Variants in HECW2 observed in about 807,000 individuals in gnomAD.
The protein encoded by HECW2 is E3 ubiquitin-protein ligase HECW2.
In HECW2, 61 loss-of-function variants were observed where a neutral mutation model predicts 175.2. That is an observed-to-expected ratio of 0.35 (90% CI 0.28 to 0.43). The LOEUF (loss-of-function observed/expected upper bound fraction) is 0.43. Among genes scored for constraint, HECW2 ranks in the 20% least tolerant of loss-of-function variants. The probability of loss-of-function intolerance (pLI) is 1.00; values close to 1 mark genes in which losing one functional copy is unlikely to be tolerated. For synonymous variants in HECW2, 671 were observed against 731.0 expected, an observed-to-expected ratio of 0.92 and a Z score of 1.32; for missense variants, 1,524 against 2,000.5, an observed-to-expected ratio of 0.76 and a Z score of 4.54.
Position 196,320,439 on chromosome 2 carries a change from A to C in HECW2, c.885T>G (p.Gly295=). 1 of 1,604,596 alleles carries C rather than the reference A, an allele frequency of 6.2e-7. No homozygotes were observed. The highest frequency in any genetic ancestry group is 8.5e-7 in the Non-Finnish European group (1 of 1,171,948). ...CAAGGTTGTAGCTGAGCATTTGATC[A>C]CTGCAAGAAGAGAAATGCTTCTTTC... The part of the protein sequence containing the change: ...VQRLLERQAI[G]DQMLSYNLGR... Residue 295 remains glycine, a splice_region_variant and synonymous_variant, in exon 8 of 29, where the codon GGT becomes GGG. Coordinates refer to ENST00000644978, the MANE Select transcript of HECW2 (RefSeq NM_001348768.2).
chr2:196,593,350 C>G (rs1249424141), intron 1 of HECW2, among the ~76,000 whole-genome samples, 158 bp downstream of exon 1: 1 of 150,842 alleles, frequency 6.6e-6, no homozygotes, highest in Admixed American at 6.6e-5. Flanking sequence ...GGCCCCGCAG[C>G]GCCCGGCTCC....
At chr2:196,340,973 A>T (rs1692730422) in intron 3 of HECW2, among the ~76,000 whole-genome samples, 1 of 152,068 alleles carries the variant, frequency 6.6e-6, no homozygotes, top group African/African-American at 2.4e-5. Context: ...CCCAACTCCT[A>T]GTTTCAATAT....
chr2:196,213,559 A>G (rs1441819543), intron 28 of HECW2, among the ~76,000 whole-genome samples: 2 of 152,156 alleles, frequency 1.3e-5, no homozygotes, highest in Non-Finnish European at 2.9e-5. Flanking sequence ...TGTTACGGAG[A>G]GGGTATGAAA....
chr2:196,411,165 A>G (rs990581696), intron 2 of HECW2, among the ~76,000 whole-genome samples: 1 of 151,978 alleles, frequency 6.6e-6, no homozygotes, highest in African/African-American at 2.4e-5. Flanking sequence ...TATATGGCTA[A>G]TTTTTTTTAT....
At chr2:196,373,612 T>A (rs1268872892) in intron 2 of HECW2, among the ~76,000 whole-genome samples, 1 of 152,192 alleles carries the variant, frequency 6.6e-6, no homozygotes, top group East Asian at 1.9e-4. Flanking sequence ...AGGGTTTATA[T>A]ACAAACATCT....
intron 17 of HECW2, chr2:196,269,496 C>CAAAAAAAAAAAAAAAAAAAAAA (rs66656524): frequency 1.9e-5 from 1 of 51,288 alleles, no homozygotes; most frequent in African/African-American, 8.9e-5. Context: ...CCCCTACCTC[C>CAAAAAAAAAAAAAAAAAAAAAA]AAAAAAAAAA....
At chr2:196,410,040 C>T (rs1695067831) in intron 2 of HECW2, among the ~76,000 whole-genome samples, 1 of 152,038 alleles carries the variant, frequency 6.6e-6, no homozygotes. Flanking sequence ...AATGTTTCTC[C>T]CAGAGCAACA....
At chr2:196,202,629 A>G (rs1232780003) in intron 28 of HECW2, among the ~76,000 whole-genome samples, 1 of 152,218 alleles carries the variant, frequency 6.6e-6, no homozygotes, top group African/African-American at 2.4e-5. Context: ...ACTATCAACA[A>G]GATTTGACTC....
intron 1 of HECW2, among the ~76,000 whole-genome samples, chr2:196,507,261 C>T (rs1192009250): frequency 2.1e-5 from 1 of 46,558 alleles, no homozygotes; most frequent in Admixed American, 2.3e-4. Context: ...AGCTAGACTA[C>T]GGAGCATATT....
At chr2:196,577,072 A>C (rs1690587540) in intron 1 of HECW2, among the ~76,000 whole-genome samples, 1 of 152,240 alleles carries the variant, frequency 6.6e-6, no homozygotes, top group East Asian at 1.9e-4. Context: ...AAGTGTAAGA[A>C]GAAGGAAAAG....
chr2:196,384,207 T>A (rs1269344267), intron 2 of HECW2, among the ~76,000 whole-genome samples: 1 of 152,188 alleles, frequency 6.6e-6, no homozygotes, highest in East Asian at 1.9e-4. Context: ...ATTAAGCCCT[T>A]TCCATGGGCT....
chr2:196,351,366 G>A (rs1693165424), intron 2 of HECW2, among the ~76,000 whole-genome samples: 1 of 151,816 alleles, frequency 6.6e-6, no homozygotes, highest in Non-Finnish European at 1.5e-5. Flanking sequence ...ATCCTTTTAA[G>A]ATAATAAGAG....
intron 23 of HECW2, among the ~76,000 whole-genome samples, chr2:196,222,788 A>G (rs1163273006): frequency 6.6e-6 from 1 of 151,868 alleles, no homozygotes; most frequent in Non-Finnish European, 1.5e-5. Context: ...TTTTTAATTG[A>G]AAGACATGAT....
At chr2:196,336,798 C>T (rs1373733659) in intron 3 of HECW2, among the ~76,000 whole-genome samples, 1 of 152,092 alleles carries the variant, frequency 6.6e-6, no homozygotes, top group African/African-American at 2.4e-5. Flanking sequence ...CAATGTATCT[C>T]GAATTGCACA....
Position 196,343,716 on chromosome 2 carries a change from G to T in HECW2, c.341C>A (p.Thr114Asn). The part of the protein sequence containing the change: ...NFWDSKNRGV[T>N]GTQKGQIVWR... ...TACAATTTGCCCTTTTTGTGTTCCAGTCACACCCCTGTTCTTAGAATCCCA... is the reference window on the plus strand; with the variant it reads ...TACAATTTGCCCTTTTTGTGTTCCATTCACACCCCTGTTCTTAGAATCCCA... Residue 114 changes from threonine (T) to asparagine (N), a missense_variant, in exon 3 of 29, where the codon ACT becomes AAT. Thr to Asn is a moderately conservative substitution (Grantham distance 65). Transcript: ENST00000644978. The T allele has an allele frequency of 6.2e-7, 1 of 1,613,852 alleles. No individual in the cohort carries two copies. The highest frequency in any genetic ancestry group is 8.5e-7 in the Non-Finnish European group (1 of 1,179,804).
intron 1 of HECW2, among the ~76,000 whole-genome samples, chr2:196,544,972 CA>C (rs1179784289): frequency 6.6e-6 from 1 of 152,212 alleles, no homozygotes; most frequent in East Asian, 1.9e-4. Context: ...AGACCCCTCT[CA>C]AGGGCAAGCT....
chr2:196,521,513 G>T (rs1405296317), intron 1 of HECW2, among the ~76,000 whole-genome samples: 1 of 150,156 alleles, frequency 6.7e-6, no homozygotes, highest in African/African-American at 2.5e-5. Context: ...TTAAGTTTTA[G>T]GGTACATGTG....
chr2:196,578,271 A>T (rs1161266860), intron 1 of HECW2, among the ~76,000 whole-genome samples: 2 of 152,186 alleles, frequency 1.3e-5, no homozygotes, highest in Non-Finnish European at 2.9e-5. Context: ...CAGGCATAAA[A>T]AAGAATCAGT....
chr2:196,529,208 C>T (rs76035278), intron 1 of HECW2, among the ~76,000 whole-genome samples: 12,602 of 152,170 alleles, frequency 0.083, 591 homozygotes, highest in Middle Eastern at 0.13. Context: ...GTGTACCTCC[C>T]CATGTGCTGC....
Sources: allele counts gnomAD v4.1 joint callset (sites outside exome capture counted in the v4.1 genomes callset), GRCh38; gene constraint gnomAD v4.1.1; transcripts MANE v1.5; gene names NCBI Gene and HGNC (gene_info 2026-07-23, HGNC 2026-07-21).